Variants in ZEB2 observed in about 807,000 individuals in gnomAD.
ZEB2 encodes the protein zinc finger E-box-binding homeobox 2.
ZEB2 carries 6 observed loss-of-function variants against 99.9 expected under a neutral mutation model. The ratio of observed to expected loss-of-function variants is 0.06; its 90% CI spans 0.03 to 0.12. The LOEUF is 0.12. Ranked by LOEUF, ZEB2 falls within the 10% of genes least tolerant of loss-of-function variation. The probability of loss-of-function intolerance (pLI) is 1.00; values close to 1 mark genes in which losing one functional copy is unlikely to be tolerated. For synonymous variants in ZEB2, 517 were observed against 542.5 expected (o/e 0.95, Z 0.65); for missense variants, 969 against 1,502.8 (o/e 0.64, Z 5.87).
At chr2:144,479,399 C>T (rs753337093) in intron 2 of ZEB2, among the ~76,000 whole-genome samples, 1 of 152,108 alleles carries the variant, frequency 6.6e-6, no homozygotes, top group African/African-American at 2.4e-5. Flanking sequence ...GCACCCCTCA[C>T]GGCTGTGTGG....
chr2:144,483,143 C>G (rs1337672373), intron 2 of ZEB2, among the ~76,000 whole-genome samples: 1 of 145,526 alleles, frequency 6.9e-6, no homozygotes, highest in Non-Finnish European at 1.5e-5. Flanking sequence ...CACACACACA[C>G]ACACACACAC....
At chr2:144,452,927 C>T (rs1704074727) in intron 2 of ZEB2, among the ~76,000 whole-genome samples, 2 of 152,182 alleles carry the variant, frequency 1.3e-5, no homozygotes, top group Admixed American at 6.5e-5. Context: ...TCAAGGCATT[C>T]TCCTTCTGTA....
chr2:144,487,465 G>T (rs1704614604), intron 2 of ZEB2, among the ~76,000 whole-genome samples: 1 of 151,268 alleles, frequency 6.6e-6, no homozygotes, highest in Non-Finnish European at 1.5e-5. Context: ...CATAAAACAG[G>T]CAAAAAAGGA....
chr2:144,458,381 C>T (rs1355119211), intron 2 of ZEB2, among the ~76,000 whole-genome samples: 1 of 151,984 alleles, frequency 6.6e-6, no homozygotes, highest in Non-Finnish European at 1.5e-5. Flanking sequence ...TAGGGAAAGA[C>T]CTATAACAAG....
chr2:144,430,848 T>TG (rs1233820921), intron 2 of ZEB2: 1 of 152,208 alleles, frequency 6.6e-6, no homozygotes, highest in Non-Finnish European at 1.5e-5. Context: ...CAATTGAAGG[T>TG]GGCTGTTTCT....
chr2:144,441,207 G>GAGAA (rs1434340753), intron 2 of ZEB2, among the ~76,000 whole-genome samples: 1 of 148,650 alleles, frequency 6.7e-6, no homozygotes, highest in South Asian at 2.1e-4. Context: ...GAGAGAGAGA[G>GAGAA]AACCTCATGC....
rs1442380449 is a variant in ZEB2 at position 144,520,015 on chromosome 2, GA to G, written c.-147del. ...TGAAGAAGCCGCGAAGTGTGGGGGA[GA>G]AAAAGGTGGAAGCGAAGAAACAGCT... is the stretch of plus-strand genomic sequence containing the variant. On this transcript the variant is annotated 5_prime_UTR_variant, in exon 1 of 10. Coordinates refer to ENST00000627532, the MANE Select transcript of ZEB2 (RefSeq NM_014795.4). 2 of 454,506 alleles carry G rather than the reference GA, an allele frequency of 4.4e-6. No homozygotes were observed. The highest frequency in any genetic ancestry group is 8.8e-6 in the Non-Finnish European group (2 of 226,790). The allele number at this position is 454,506 out of a possible 1,614,324, so 28.2% of individuals were successfully genotyped here.
At chr2:144,397,270 C>T (rs1703242371) in intron 8 of ZEB2, among the ~76,000 whole-genome samples, 1 of 152,144 alleles carries the variant, frequency 6.6e-6, no homozygotes, top group African/African-American at 2.4e-5. Flanking sequence ...TTTCCATTTG[C>T]TAGCCCACAG....
chr2:144,408,804 A>G (rs971010112), intron 4 of ZEB2, among the ~76,000 whole-genome samples: 6 of 152,278 alleles, frequency 3.9e-5, no homozygotes, highest in Middle Eastern at 3.4e-3. Context: ...TCTGTTGCTC[A>G]GGTGAGCCAA....
rs76643723 is a variant in ZEB2 at position 144,442,331 on chromosome 2, G to A, written c.74-12305C>T. Among the ~76,000 whole-genome samples, 91 of 152,152 alleles carry A rather than the reference G, an allele frequency of 6.0e-4. 1 individual carries two copies. The highest frequency in any genetic ancestry group is 2.2e-3 in the African/African-American group (90 of 41,514). ...GATACAAGCAATATCAAAATATTCA[G>A]TTAAATTATTTAAAAAATTTAGTTT... is the stretch of plus-strand genomic sequence containing the variant. On this transcript the variant is annotated intron_variant, in intron 2 of 9. Transcript: ENST00000627532.
In ZEB2 at chr2:144,385,253, C is replaced by T. The variant is rs190603446; in HGVS notation, c.*4198G>A. ...ACACAATACAGGTTTATAAAGTTTG[C>T]TATTATATGATCAAGTGAGTGAACC... On this transcript the variant is annotated 3_prime_UTR_variant, in exon 10 of 10. Coordinates refer to ENST00000627532, the MANE Select transcript of ZEB2 (RefSeq NM_014795.4). The T allele has an allele frequency of 3.8e-4, 55 of 143,056 alleles. No individual in the cohort carries two copies. Among genetic ancestry groups the T allele is most frequent in the African/African-American group, 1.6e-3 (53 of 32,950 alleles). The allele number at this position is 143,056 out of a possible 1,614,324, so 8.9% of individuals were successfully genotyped here.
chr2:144,416,714 C>G (rs952933616), intron 4 of ZEB2, among the ~76,000 whole-genome samples: 8 of 152,190 alleles, frequency 5.3e-5, no homozygotes, highest in Non-Finnish European at 8.8e-5. Context: ...TTCACCCAGT[C>G]TCCTTTTACA....
chr2:144,398,585 C>T lies in ZEB2; in HGVS notation c.2602G>A (p.Glu868Lys), dbSNP rs921397888. Residue 868 changes from glutamate to lysine, a missense_variant, in exon 8 of 10, where the codon GAA becomes AAA. Glu to Lys is a moderately conservative substitution (Grantham distance 56). Coordinates refer to ENST00000627532, the MANE Select transcript of ZEB2 (RefSeq NM_014795.4). ...TCCAGATTATTTGAATTTGAAAATT[C>T]CTTCTTGATAAAAGTCAAGTTCAGA... ...EPLNLTFIKK[E>K]FSNSNNLDNK... 17 of 1,614,012 alleles carry T rather than the reference C, an allele frequency of 1.1e-5. No homozygotes were observed. The highest frequency in any genetic ancestry group is 1.4e-5 in the Non-Finnish European group (17 of 1,180,018).
chr2:144,408,605 C>G (rs1703417140), intron 4 of ZEB2, among the ~76,000 whole-genome samples: 1 of 152,214 alleles, frequency 6.6e-6, no homozygotes, highest in African/African-American at 2.4e-5. Flanking sequence ...CTAGGTATCA[C>G]CAGCATGAAT....
At chr2:144,491,196 G>A (rs1704674793) in intron 2 of ZEB2, among the ~76,000 whole-genome samples, 1 of 152,250 alleles carries the variant, frequency 6.6e-6, no homozygotes, top group Non-Finnish European at 1.5e-5. Context: ...CATCAGTTGA[G>A]CCTAGCAGCA....
At chr2:144,454,263 C>T (rs72858499) in intron 2 of ZEB2, among the ~76,000 whole-genome samples, 3,337 of 152,156 alleles carry the variant, frequency 0.022, 37 homozygotes, top group Non-Finnish European at 0.029. Flanking sequence ...AAACATTATC[C>T]GATAGTAACT....
At chr2:144,483,055 C>T (rs1327577145) in intron 2 of ZEB2, among the ~76,000 whole-genome samples, 6 of 151,404 alleles carry the variant, frequency 4.0e-5, no homozygotes, top group African/African-American at 1.5e-4. Context: ...TGAGACAATT[C>T]CCATTTAACC....
At chr2:144,424,255 C>T in intron 4 of ZEB2, 1 of 422,810 alleles carries the variant, frequency 2.4e-6, no homozygotes, top group East Asian at 5.9e-5. Flanking sequence ...TTCTCTAAAA[C>T]TGCCTGGAAA....
chr2:144,406,539 T>C (rs1473656722), intron 4 of ZEB2, among the ~76,000 whole-genome samples: 3 of 151,638 alleles, frequency 2.0e-5, no homozygotes, highest in African/African-American at 4.8e-5. Context: ...GCATGTGCAA[T>C]GTGGTGACTG....
Sources: gnomAD v4.1 joint callset for allele counts (sites outside exome capture counted in the v4.1 genomes callset) on GRCh38, gnomAD v4.1.1 for gene constraint, MANE v1.5 for transcripts, NCBI Gene and HGNC (gene_info 2026-07-23, HGNC 2026-07-21) for gene names.